CFAP221: variants seen among roughly 807,000 people sequenced by gnomAD.
CFAP221 encodes cilia and flagella associated protein 221.
A neutral mutation model predicts 113.1 loss-of-function variants in CFAP221; 97 were observed. The ratio of observed to expected loss-of-function variants is 0.86; its 90% CI spans 0.73 to 1.02. The LOEUF is 1.02. Ranked by LOEUF, CFAP221 falls within the 50% of genes least tolerant of loss-of-function variation. The pLI, the probability that CFAP221 is intolerant of heterozygous loss-of-function variation, is 0.00. For missense variants in CFAP221, 1,025 were observed against 1,013.4 expected, an observed-to-expected ratio of 1.01 and a Z score of -0.16; for synonymous variants, 331 against 354.4, an observed-to-expected ratio of 0.93 and a Z score of 0.74.
intron 21 of CFAP221, among the ~76,000 whole-genome samples, chr2:119,646,145 TGGGGA>T (rs1291230981): frequency 6.6e-6 from 1 of 151,660 alleles, no homozygotes; most frequent in Non-Finnish European, 1.5e-5. Context: ...CACAAGGAGG[TGGGGA>T]GGAAGATATG....
intron 19 of CFAP221, chr2:119,638,014 C>T (rs1416650915): frequency 3.1e-6 from 1 of 326,600 alleles, no homozygotes; most frequent in Non-Finnish European, 5.5e-6. Context: ...GTTTAGTAAA[C>T]CCATATGGTT....
chr2:119,554,254 T>G (rs1284496257), intron 3 of CFAP221, among the ~76,000 whole-genome samples: 2 of 152,222 alleles, frequency 1.3e-5, no homozygotes, highest in African/African-American at 4.8e-5. Flanking sequence ...AATTGTTCAT[T>G]AACATTTCAG....
chr2:119,617,248 A>C (rs1685590055), intron 14 of CFAP221, among the ~76,000 whole-genome samples: 1 of 152,204 alleles, frequency 6.6e-6, no homozygotes, highest in South Asian at 2.1e-4. Context: ...CCTACTCACC[A>C]GCTTCCAAGG....
chr2:119,550,581 C>G (rs748059652), intron 3 of CFAP221, among the ~76,000 whole-genome samples: 1 of 152,122 alleles, frequency 6.6e-6, no homozygotes, highest in Non-Finnish European at 1.5e-5. Context: ...GCCTACTGTT[C>G]GTGGTTATAA....
At chr2:119,585,760 A>G (rs1683178922) in intron 6 of CFAP221, among the ~76,000 whole-genome samples, 1 of 152,226 alleles carries the variant, frequency 6.6e-6, no homozygotes, top group Admixed American at 6.5e-5. Context: ...CTTCACACCA[A>G]CAAATATTTA....
At chr2:119,572,542 A>G (rs776733088) in intron 6 of CFAP221, 12 of 701,656 alleles carry the variant, frequency 1.7e-5, no homozygotes, top group South Asian at 1.6e-4. Context: ...TCTGTAGTTT[A>G]CCCAACAGCG....
chr2:119,607,266 A>G (rs1217514783), intron 11 of CFAP221, among the ~76,000 whole-genome samples: 1 of 152,218 alleles, frequency 6.6e-6, no homozygotes, highest in Non-Finnish European at 1.5e-5. Context: ...TGCTGGGATT[A>G]CAAGTGTGAG....
chr2:119,605,232 T>C lies in CFAP221; in HGVS notation c.1076T>C (p.Leu359Pro). The C allele has an allele frequency of 1.2e-6, 2 of 1,614,228 alleles. No homozygotes were observed. The highest frequency in any genetic ancestry group is 1.7e-6 in the Non-Finnish European group (2 of 1,180,044). ...AAAACGAGACAGATGAAGGAGGCACTCTTTGAACAGAAAGTCAGACAGGAC... is the reference window on the plus strand; with the variant it reads ...AAAACGAGACAGATGAAGGAGGCACCCTTTGAACAGAAAGTCAGACAGGAC... ...ISKTRQMKEA[L>P]FEQKVRQDIH... is the part of the protein sequence containing the mutation. Residue 359 changes from leucine to proline, a missense_variant, in exon 11 of 24, where the codon CTC (leucine) becomes CCC (proline). By Grantham distance (98) the Leu-to-Pro change is moderately conservative. Coordinates refer to ENST00000413369, the MANE Select transcript of CFAP221 (RefSeq NM_001271049.2).
At chr2:119,631,079 C>T (rs759424431) in intron 19 of CFAP221, 178 bp downstream of exon 19, 176 of 1,287,750 alleles carry the variant, frequency 1.4e-4, no homozygotes, top group Non-Finnish European at 1.6e-4. Context: ...TCAGTGATTC[C>T]GTCTTTTAGC....
chr2:119,547,957 TTTTG>T (rs1558901541), intron 2 of CFAP221, among the ~76,000 whole-genome samples: 1 of 152,072 alleles, frequency 6.6e-6, no homozygotes, highest in East Asian at 1.9e-4. Flanking sequence ...GGGTTGATTT[TTTTG>T]TTTGTTTGTT....
At position 119,604,994 on chromosome 2, in the gene CFAP221, A is replaced by T. The variant is rs749830944; in HGVS notation, c.1024+7A>T. On this transcript the variant is annotated splice_region_variant and intron_variant, in intron 10 of 23. Coordinates refer to ENST00000413369, the MANE Select transcript of CFAP221 (RefSeq NM_001271049.2). ...ATTAAAGAATTAAGAGAAGGTAACC[A>T]GTTGATTGGCCATAAAGCAGCCCCT... The T allele has an allele frequency of 1.1e-5, 18 of 1,612,054 alleles. No homozygotes were observed. The highest frequency in any genetic ancestry group is 1.4e-5 in the Non-Finnish European group (16 of 1,178,200).
intron 7 of CFAP221, among the ~76,000 whole-genome samples, chr2:119,588,636 G>A (rs1341553096): frequency 1.3e-5 from 2 of 152,136 alleles, no homozygotes; most frequent in Non-Finnish European, 2.9e-5. Flanking sequence ...AAAATGCAGG[G>A]CCACATAATT....
intron 6 of CFAP221, among the ~76,000 whole-genome samples, chr2:119,584,401 A>G (rs1296351720): frequency 6.6e-6 from 1 of 152,166 alleles, no homozygotes; most frequent in Non-Finnish European, 1.5e-5. Flanking sequence ...AGCCTGGGCA[A>G]CATAGTGGGA....
rs140381233 is a variant in CFAP221 at position 119,559,849 on chromosome 2, G to A, written c.327+74G>A. On this transcript the variant is annotated intron_variant, in intron 4 of 23. Transcript: ENST00000413369. ...CTCAGGCCTGTGTGGGGTGGGGGGTGTGTGGTGTGTTGTCACCCCCGGTGC... is the reference window on the plus strand; with the variant it reads ...CTCAGGCCTGTGTGGGGTGGGGGGTATGTGGTGTGTTGTCACCCCCGGTGC... 7.5e-3 allele frequency: 11,021 copies of A among 1,475,302 alleles called. 62 individuals carry two copies. The highest frequency in any genetic ancestry group is 9.0e-3 in the Non-Finnish European group (9,850 of 1,091,718). 91.4% of individuals were successfully genotyped at this position (1,475,302 alleles called of 1,614,324 possible).
chr2:119,650,755 C>A (rs1330100999), intron 22 of CFAP221, among the ~76,000 whole-genome samples: 1 of 152,204 alleles, frequency 6.6e-6, no homozygotes, highest in East Asian at 1.9e-4. Flanking sequence ...AAAGCGCCAG[C>A]ATAGTGATTT....
At position 119,627,775 on chromosome 2, in the gene CFAP221, T is replaced by TC. The variant is rs779457532; in HGVS notation, c.1641dup (p.Asn548GlnfsTer6). 199 of 1,613,318 alleles carry TC rather than the reference T, an allele frequency of 1.2e-4. No individual in the cohort carries two copies. The highest frequency in any genetic ancestry group is 1.4e-4 in the Non-Finnish European group (170 of 1,179,742). On this transcript the variant is annotated frameshift_variant, in exon 16 of 24. Transcript: ENST00000413369. LOFTEE classifies it high-confidence loss of function. ...CCCAGACTGCAGCCCACCCCAGGAC[T>TC]CCAACGAGTTGGTAGGTGCCGTCAG...
At chr2:119,560,789 T>A (rs1192188034) in intron 5 of CFAP221, among the ~76,000 whole-genome samples, 2 of 152,178 alleles carry the variant, frequency 1.3e-5, no homozygotes, top group South Asian at 2.1e-4. Flanking sequence ...TCACTTTTTC[T>A]TTCCAAAAAA....
chr2:119,549,129 C>G lies in CFAP221; in HGVS notation c.184C>G (p.Pro62Ala), dbSNP rs772645792. Residue 62 changes from proline to alanine, a missense_variant, in exon 3 of 24, where the codon CCT (proline) becomes GCT (alanine). Physicochemically the swap from Pro to Ala is conservative, Grantham distance 27 (BLOSUM62 -1). Coordinates refer to ENST00000413369, the MANE Select transcript of CFAP221 (RefSeq NM_001271049.2). ...LVNNKVIQAR[P>A]GIIHFGGYQV... ...GAATAATAAGGTCATACAGGCAAGACCTGGCATAATACATTTTGGAGGCTA... is the reference window on the plus strand; with the variant it reads ...GAATAATAAGGTCATACAGGCAAGAGCTGGCATAATACATTTTGGAGGCTA... The G allele has an allele frequency of 1.3e-6, 2 of 1,534,940 alleles. No individual in the cohort carries two copies. The highest frequency in any genetic ancestry group is 2.4e-5 in the South Asian group (2 of 83,688).
chr2:119,656,387 G>T lies in CFAP221; in HGVS notation c.2440G>T (p.Ala814Ser). ...AGAAGTGAAAGATCAAGCACAACCA[G>T]CAGAGAAGGCCGGAGAGAAGCTGCT... The part of the protein sequence containing the change: ...EKEVKDQAQP[A>S]EKAGEKLLEE... The change falls in exon 24 of 24, where the codon GCA becomes TCA. Residue 814 changes from alanine to serine, a missense_variant. Physicochemically the swap from Ala to Ser is moderately conservative, Grantham distance 99 (BLOSUM62 1). Coordinates refer to ENST00000413369, the MANE Select transcript of CFAP221 (RefSeq NM_001271049.2). The T allele has an allele frequency of 6.2e-7, 1 of 1,614,070 alleles. No individual in the cohort carries two copies. The highest frequency in any genetic ancestry group is 8.5e-7 in the Non-Finnish European group (1 of 1,179,972).
Sources: gnomAD v4.1 joint callset for allele counts (sites outside exome capture counted in the v4.1 genomes callset) on GRCh38, gnomAD v4.1.1 for gene constraint, MANE v1.5 for transcripts, NCBI Gene and HGNC (gene_info 2026-07-23, HGNC 2026-07-21) for gene names.